Variants in RIMS2 observed in about 807,000 individuals in gnomAD.
RIMS2 encodes regulating synaptic membrane exocytosis protein 2.
RIMS2 carries 59 observed loss-of-function variants against 174.4 expected under a neutral mutation model. The ratio of observed to expected loss-of-function variants is 0.34; its 90% CI spans 0.27 to 0.42. The LOEUF (loss-of-function observed/expected upper bound fraction) is 0.42. Ranked by LOEUF, RIMS2 falls within the 10% of genes least tolerant of loss-of-function variation. RIMS2 has a pLI of 1.00. For synonymous variants in RIMS2, 606 were observed against 572.5 expected (o/e 1.06, Z -0.84); for missense variants, 1,620 against 1,666.3 (o/e 0.97, Z 0.48).
intron 1 of RIMS2, among the ~76,000 whole-genome samples, chr8:103,632,299 T>G (rs7011865): frequency 0.38 from 57,203 of 152,080 alleles, 11,103 homozygotes; most frequent in African/African-American, 0.4. Flanking sequence ...GGTGTGCTCC[T>G]TCATTTCCTA....
intron 19 of RIMS2, among the ~76,000 whole-genome samples, chr8:104,188,230 G>C (rs916810650): frequency 7.5e-6 from 1 of 133,240 alleles, no homozygotes; most frequent in African/African-American, 3.0e-5. Flanking sequence ...CAGATAGATA[G>C]ATAGATAGAT....
intron 4 of RIMS2, among the ~76,000 whole-genome samples, chr8:103,909,512 T>A (rs758757036): frequency 1.1e-4 from 17 of 152,274 alleles, no homozygotes; most frequent in Non-Finnish European, 1.5e-4. Context: ...TTAAGTAAAG[T>A]TTATTTTTAC....
chr8:104,084,437 CA>C (rs34285862), intron 19 of RIMS2, among the ~76,000 whole-genome samples: 37 of 76,686 alleles, frequency 4.8e-4, no homozygotes, highest in Admixed American at 9.1e-4. Context: ...GACTCTGTCT[CA>C]AAAAAAAAAA....
intron 1 of RIMS2, among the ~76,000 whole-genome samples, chr8:103,549,519 C>T (rs1846675441): frequency 6.6e-6 from 1 of 152,132 alleles, no homozygotes; most frequent in African/African-American, 2.4e-5. Flanking sequence ...CAAAAACATG[C>T]CAAATTGTAA....
At chr8:103,847,338 G>A (rs2098973196) in intron 3 of RIMS2, among the ~76,000 whole-genome samples, 1 of 152,084 alleles carries the variant, frequency 6.6e-6, no homozygotes, top group Admixed American at 6.6e-5. Context: ...CTGAAGGATA[G>A]TGTCCGGTCC....
chr8:104,049,737 G>A (rs1206576618), intron 19 of RIMS2, among the ~76,000 whole-genome samples: 1 of 152,010 alleles, frequency 6.6e-6, no homozygotes, highest in East Asian at 1.9e-4. Context: ...CACTTCAATA[G>A]CAAGCAAATA....
In RIMS2 at chr8:103,957,299, A is replaced by C. The variant is rs963650742; in HGVS notation, c.2702-3766A>C. On this transcript the variant is annotated intron_variant, in intron 14 of 23. Transcript: ENST00000504942. Reference sequence around the variant, plus strand: ...CATTCTAATGTAAGGACACATGTACATGTATGTTTATTGCAGCACTGTTCA... The same window carrying C: ...CATTCTAATGTAAGGACACATGTACCTGTATGTTTATTGCAGCACTGTTCA... Among the ~76,000 whole-genome samples the C allele has an allele frequency of 3.3e-5, 5 of 152,222 alleles. No individual in the cohort carries two copies. In the East Asian group the frequency reaches 5.8e-4, roughly 18 times the overall value.
At chr8:103,649,194 A>G (rs2096402926) in intron 1 of RIMS2, among the ~76,000 whole-genome samples, 1 of 152,118 alleles carries the variant, frequency 6.6e-6, no homozygotes. Flanking sequence ...TCCTTCACTT[A>G]TGATGTTTAG....
intron 19 of RIMS2, among the ~76,000 whole-genome samples, chr8:104,178,351 T>C (rs990394697): frequency 1.8e-4 from 28 of 152,178 alleles, no homozygotes; most frequent in African/African-American, 6.8e-4. Flanking sequence ...CCTGCATTAC[T>C]TGGCTCATGG....
At chr8:104,011,122 G>T (rs910769208) in intron 17 of RIMS2, among the ~76,000 whole-genome samples, 3 of 152,092 alleles carry the variant, frequency 2.0e-5, no homozygotes, top group Non-Finnish European at 4.4e-5. Flanking sequence ...TTTAGGCATT[G>T]CTGCTTTAAA....
At chr8:103,570,163 G>A (rs886529317) in intron 1 of RIMS2, among the ~76,000 whole-genome samples, 6 of 151,854 alleles carry the variant, frequency 4.0e-5, no homozygotes, top group South Asian at 4.2e-4. Context: ...ATCCCTCCCC[G>A]TACCCTCATT....
chr8:103,814,740 A>C (rs2098708600), intron 3 of RIMS2, among the ~76,000 whole-genome samples: 1 of 152,076 alleles, frequency 6.6e-6, no homozygotes, highest in Non-Finnish European at 1.5e-5. Context: ...TTATTCAGGC[A>C]TGATGGTGCA....
chr8:104,021,131 T>G (rs1450431666), intron 19 of RIMS2, among the ~76,000 whole-genome samples: 3 of 152,074 alleles, frequency 2.0e-5, no homozygotes, highest in African/African-American at 7.2e-5. Flanking sequence ...TTGAAATGGT[T>G]TTTAGTCTTG....
At chr8:103,958,158 C>T (rs1277784303) in intron 14 of RIMS2, among the ~76,000 whole-genome samples, 1 of 152,048 alleles carries the variant, frequency 6.6e-6, no homozygotes, top group Non-Finnish European at 1.5e-5. Context: ...AACCTAGATG[C>T]CCATCAATGA....
At position 103,960,991 on chromosome 8, in the gene RIMS2, T is replaced by A. The variant is rs1388353117; in HGVS notation, c.2702-74T>A. 6.1e-6 allele frequency: 5 copies of A among 814,044 alleles called. No individual in the cohort carries two copies. The East Asian group carries it at 1.2e-4, about 20-fold the overall frequency. 50.4% of individuals were successfully genotyped at this position (814,044 alleles called of 1,614,324 possible). ...GATTCACTCAGAATATTTTCGTTTGTTTTTCAGGTGTTTGAGGAATTTTCT... is the reference window on the plus strand; with the variant it reads ...GATTCACTCAGAATATTTTCGTTTGATTTTCAGGTGTTTGAGGAATTTTCT... On this transcript the variant is annotated intron_variant, in intron 14 of 23. Coordinates refer to ENST00000504942, the Ensembl canonical transcript of RIMS2.
At chr8:104,009,929 A>G (rs987668864) in intron 17 of RIMS2, among the ~76,000 whole-genome samples, 1 of 151,974 alleles carries the variant, frequency 6.6e-6, no homozygotes, top group Admixed American at 6.6e-5. Context: ...CTGTAGAGAT[A>G]CTCTACATTG....
intron 3 of RIMS2, among the ~76,000 whole-genome samples, chr8:103,840,087 A>G (rs1199382096): frequency 6.6e-6 from 1 of 152,198 alleles, no homozygotes; most frequent in African/African-American, 2.4e-5. Context: ...TGTCCAACAC[A>G]TTAAAGTGGT....
intron 1 of RIMS2, among the ~76,000 whole-genome samples, chr8:103,633,577 C>T (rs2096000420): frequency 6.6e-6 from 1 of 152,134 alleles, no homozygotes; most frequent in Admixed American, 6.5e-5. Context: ...GTCTTCCCCC[C>T]TCAGTTATTT....
At chr8:103,817,670 C>T (rs964941587) in intron 3 of RIMS2, among the ~76,000 whole-genome samples, 2 of 152,098 alleles carry the variant, frequency 1.3e-5, no homozygotes, top group South Asian at 2.1e-4. Context: ...ATCCCAGCTA[C>T]TCAGGAGGCT....
Sources: gnomAD v4.1 joint callset for allele counts (sites outside exome capture counted in the v4.1 genomes callset) on GRCh38, gnomAD v4.1.1 for gene constraint, MANE v1.5 for transcripts, NCBI Gene and HGNC (gene_info 2026-07-23, HGNC 2026-07-21) for gene names.